Variants in PHF10 observed in about 807,000 individuals in gnomAD.
The protein encoded by PHF10 is BRG1-associated factor 45a.
Under a neutral mutation model 68.5 loss-of-function variants are expected in PHF10, and 51 were observed. The ratio of observed to expected loss-of-function variants is 0.74; its 90% confidence interval spans 0.59 to 0.94. PHF10 has a LOEUF of 0.94. Ranked by LOEUF, PHF10 falls within the 40% of genes least tolerant of loss-of-function variation. The probability of loss-of-function intolerance (pLI) is 0.00; values close to 1 mark genes in which losing one functional copy is unlikely to be tolerated. For synonymous variants in PHF10, 204 were observed against 203.5 expected (o/e 1.00, Z -0.02); for missense variants, 460 against 602.6 (o/e 0.76, Z 2.48).
At position 169,724,032 on chromosome 6, in the gene PHF10, C is replaced by A. The variant is rs909524165; in HGVS notation, c.-101G>T. On this transcript the variant is annotated 5_prime_UTR_variant, in exon 1 of 12. Coordinates refer to ENST00000339209, the MANE Select transcript of PHF10 (RefSeq NM_018288.4). ...CGCCGCCGCCGCCGCCGCGCGGGCC[C>A]CCCGCCGCCCCGGCCCCGCCCCCTC... is the stretch of plus-strand genomic sequence containing the variant. 1.3e-5 allele frequency: 2 copies of A among 156,138 alleles called. No individual in the cohort carries two copies. Among genetic ancestry groups the A allele is most frequent in the Non-Finnish European group, 2.6e-5 (2 of 77,658 alleles). 9.7% of individuals were successfully genotyped at this position (156,138 alleles called of 1,614,324 possible).
intron 8 of PHF10, among the ~76,000 whole-genome samples, chr6:169,710,615 CAT>C (rs1224171356): frequency 2.0e-5 from 3 of 151,950 alleles, no homozygotes; most frequent in Admixed American, 2.0e-4. Context: ...AAACTGATTC[CAT>C]ATCAGTGCCT....
chr6:169,717,826 G>A lies in PHF10; in HGVS notation c.406C>T (p.Leu136=), dbSNP rs776421082. The A allele has an allele frequency of 9.2e-6, 13 of 1,405,688 alleles. No individual in the cohort carries two copies. Among genetic ancestry groups the A allele is most frequent in the Non-Finnish European group, 1.3e-5 (13 of 997,696 alleles). The allele number at this position is 1,405,688 out of a possible 1,614,324, so 87.1% of individuals were successfully genotyped here. ...LNVITETQCT[L]GLTALRSDEV... ...CACATTAAAAAGCTATTCTTACCTA[G>A]AGTGCACTGAGTTTCAGTAATGACA... The change falls in exon 4 of 12, where the codon CTA becomes TTA. Residue 136 remains leucine, a synonymous_variant. Coordinates refer to ENST00000339209, the MANE Select transcript of PHF10 (RefSeq NM_018288.4).
At chr6:169,721,536 T>C (rs1585306311) in intron 1 of PHF10, among the ~76,000 whole-genome samples, 1 of 152,332 alleles carries the variant, frequency 6.6e-6, no homozygotes, top group Admixed American at 6.5e-5. Flanking sequence ...AGGGGACATA[T>C]GAGACCGAAA....
chr6:169,717,274 T>C (rs577489649), intron 4 of PHF10, among the ~76,000 whole-genome samples: 1 of 152,228 alleles, frequency 6.6e-6, no homozygotes, highest in South Asian at 2.1e-4. Context: ...ATTAGACAAT[T>C]ATACTCTGTT....
chr6:169,721,513 T>C (rs1383579492), intron 1 of PHF10, among the ~76,000 whole-genome samples: 1 of 152,224 alleles, frequency 6.6e-6, no homozygotes, highest in Admixed American at 6.5e-5. Flanking sequence ...TAGGCATTTA[T>C]GTCCCTGTGA....
Position 169,724,104 on chromosome 6 carries a change from C to CCCGCCAGCGCCG in PHF10, c.-185_-174dup, listed in dbSNP as rs1183390097. The CCCGCCAGCGCCG allele has an allele frequency of 1.4e-5, 2 of 143,312 alleles. No homozygotes were observed. The highest frequency in any genetic ancestry group is 3.1e-5 in the Non-Finnish European group (2 of 64,742). 8.9% of individuals were successfully genotyped at this position (143,312 alleles called of 1,614,324 possible). On this transcript the variant is annotated 5_prime_UTR_variant, in exon 1 of 12. Coordinates refer to ENST00000339209, the MANE Select transcript of PHF10 (RefSeq NM_018288.4). ...GCCCCTGCCGCCGCGCGCCCCGCGG[C>CCCGCCAGCGCCG]CCGCCAGCGCCGCCGCCACCGCCAT...
At chr6:169,713,148 C>A (rs7762018) in intron 7 of PHF10, among the ~76,000 whole-genome samples, 25,754 of 152,152 alleles carry the variant, frequency 0.17, 2,731 homozygotes, top group East Asian at 0.3. Context: ...TCAGACAGCA[C>A]TGCTTCGTGC....
Position 169,715,979 on chromosome 6 carries a change from A to G in PHF10, c.519T>C (p.Ile173=), listed in dbSNP as rs1789038604. The G allele has an allele frequency of 6.2e-7, 1 of 1,608,326 alleles. No homozygotes were observed. Among genetic ancestry groups the G allele is most frequent in the African/African-American group, 1.3e-5 (1 of 74,564 alleles). The change falls in exon 5 of 12, where the codon ATT becomes ATC. Residue 173 remains isoleucine (I), a synonymous_variant. Transcript: ENST00000339209. The stretch of plus-strand genomic sequence containing the variant: ...CGGAATACTCTTTATAATGGTCTGT[A>G]ATTCGTTGACGTTCTTTTTCTTGTA... The part of the protein sequence containing the change: ...VILQEKERQR[I]TDHYKEYSQM...
intron 9 of PHF10, chr6:169,707,536 ACT>A (rs1788830108): frequency 6.6e-6 from 1 of 152,036 alleles, no homozygotes; most frequent in Admixed American, 6.5e-5. Context: ...CATAGTAAAT[ACT>A]CTAATATCTT....
intron 9 of PHF10, chr6:169,708,799 CAA>C (rs1372802464): frequency 1.3e-5 from 2 of 152,120 alleles, no homozygotes; most frequent in African/African-American, 2.4e-5. Flanking sequence ...ACTTAGCACT[CAA>C]GAGTTAACAG....
intron 9 of PHF10, 79 bp downstream of exon 9, chr6:169,710,157 A>G: frequency 9.2e-7 from 1 of 1,083,958 alleles, no homozygotes; most frequent in Non-Finnish European, 1.3e-6. Context: ...GAAGCTCCAC[A>G]ATCGTGAAAG....
At chr6:169,706,948 T>G (rs1379586706) in intron 9 of PHF10, 1 of 152,212 alleles carries the variant, frequency 6.6e-6, no homozygotes, top group Non-Finnish European at 1.5e-5. Context: ...GCCACCTTCA[T>G]AACCTGTTAG....
intron 7 of PHF10, 83 bp downstream of exon 7, chr6:169,714,650 A>G (rs2128330247): frequency 1.3e-6 from 1 of 757,552 alleles, no homozygotes; most frequent in East Asian, 2.4e-5. Flanking sequence ...TATAGACCCC[A>G]AAATTGTTAG....
At chr6:169,719,695 A>C (rs545356094) in intron 2 of PHF10, among the ~76,000 whole-genome samples, 74 of 152,308 alleles carry the variant, frequency 4.9e-4, no homozygotes, top group Non-Finnish European at 8.1e-4. Context: ...ATGGATCAAC[A>C]ACCTAAATAT....
At chr6:169,710,419 T>A in intron 8 of PHF10, 28 bp from the exon 9 acceptor site, 1 of 1,567,714 alleles carries the variant, frequency 6.4e-7, no homozygotes, top group Non-Finnish European at 8.7e-7. Context: ...AAAACAAAGA[T>A]TCTTTGGAAT....
At position 169,724,307 on chromosome 6, in the gene PHF10, C is replaced by T. The variant is rs933882955; in HGVS notation, c.-376G>A. Among the ~76,000 whole-genome samples, 60 of 145,710 alleles carry T rather than the reference C, an allele frequency of 4.1e-4. 1 individual carries two copies. Among genetic ancestry groups the T allele is most frequent in the African/African-American group, 1.4e-3 (57 of 40,632 alleles). On this transcript the variant is annotated 5_prime_UTR_variant, in exon 1 of 12. Coordinates refer to ENST00000339209, the MANE Select transcript of PHF10 (RefSeq NM_018288.4). The stretch of plus-strand genomic sequence containing the variant: ...CCCACAGCTCCGCCGCTGGCCTCAG[C>T]GCCGCCGCGACTCCCTTCAGCCCCG...
chr6:169,713,388 C>A (rs537589489), intron 7 of PHF10, among the ~76,000 whole-genome samples: 1 of 152,054 alleles, frequency 6.6e-6, no homozygotes, highest in African/African-American at 2.4e-5. Flanking sequence ...CACCTGAGGT[C>A]AGGAGTTCGA....
At chr6:169,704,384 CA>C in intron 11 of PHF10, 1 of 344,350 alleles carries the variant, frequency 2.9e-6, no homozygotes, top group Non-Finnish European at 5.4e-6. Flanking sequence ...TATCATACTT[CA>C]AAAGGTCAAA....
At position 169,716,468 on chromosome 6, in the gene PHF10, C is replaced by T. The variant is rs569592739; in HGVS notation, c.410-380G>A. On this transcript the variant is annotated intron_variant, in intron 4 of 11. Coordinates refer to ENST00000339209, the MANE Select transcript of PHF10 (RefSeq NM_018288.4). ...AATTCAACATATTATAGTTCCCAGT[C>T]TTCAAATTCCATACACAAGAAATAT... 2.2e-4 allele frequency among the ~76,000 whole-genome samples: 33 copies of T among 151,842 alleles called. No individual in the cohort carries two copies. In the South Asian group the frequency reaches 6.5e-3, roughly 30 times the overall value.
Sources: allele counts gnomAD v4.1 joint callset (sites outside exome capture counted in the v4.1 genomes callset), GRCh38; gene constraint gnomAD v4.1.1; transcripts MANE v1.5; gene names NCBI Gene and HGNC (gene_info 2026-07-23, HGNC 2026-07-21).